CCDC7: variants seen among roughly 807,000 people sequenced by gnomAD.
CCDC7 encodes coiled-coil domain containing 7.
Under a neutral mutation model 196.9 loss-of-function variants are expected in CCDC7, and 183 were observed. The ratio of observed to expected loss-of-function variants is 0.93; its 90% CI spans 0.82 to 1.05. The LOEUF is 1.05. Among genes scored for constraint, CCDC7 ranks in the 50% least tolerant of loss-of-function variants. CCDC7 has a pLI of 0.00. For synonymous variants in CCDC7, 525 were observed against 484.6 expected, an observed-to-expected ratio of 1.08 and a Z score of -1.10; for missense variants, 1,540 against 1,482.2, an observed-to-expected ratio of 1.04 and a Z score of -0.64.
At chr10:32,798,716 C>A (rs1300509108) in intron 29 of CCDC7, among the ~76,000 whole-genome samples, 1 of 152,240 alleles carries the variant, frequency 6.6e-6, no homozygotes, top group Admixed American at 6.5e-5. Flanking sequence ...TCCTTCCATG[C>A]AGAGTGCACA....
chr10:32,564,956 A>T (rs1053341054), intron 13 of CCDC7, among the ~76,000 whole-genome samples: 1 of 152,180 alleles, frequency 6.6e-6, no homozygotes, highest in Non-Finnish European at 1.5e-5. Flanking sequence ...TAGCCTGGGT[A>T]ACAGAGCAAG....
intron 21 of CCDC7, among the ~76,000 whole-genome samples, chr10:32,669,863 C>A (rs2073702632): frequency 6.6e-6 from 1 of 151,946 alleles, no homozygotes; most frequent in Non-Finnish European, 1.5e-5. Context: ...AAATATTTAA[C>A]TTTCAGGGAC....
chr10:32,688,988 G>A, intron 22 of CCDC7, 65 bp from the exon 24 acceptor site: 1 of 1,062,390 alleles, frequency 9.4e-7, no homozygotes, highest in South Asian at 1.4e-5. Context: ...TCGTAAATTT[G>A]AAATCTACAG....
At chr10:32,722,824 A>T (rs1339396355) in intron 25 of CCDC7, among the ~76,000 whole-genome samples, 1 of 151,984 alleles carries the variant, frequency 6.6e-6, no homozygotes, top group Non-Finnish European at 1.5e-5. Flanking sequence ...GATTATGGAG[A>T]TCATAGTTGT....
intron 18 of CCDC7, among the ~76,000 whole-genome samples, chr10:32,613,415 A>G (rs1277214984): frequency 1.3e-5 from 2 of 151,860 alleles, no homozygotes; most frequent in African/African-American, 4.8e-5. Flanking sequence ...TATCTCCTTC[A>G]GTTTTGCTCT....
intron 41 of CCDC7, among the ~76,000 whole-genome samples, chr10:32,867,548 CAA>C (rs779302605): frequency 1.3e-5 from 2 of 150,730 alleles, no homozygotes; most frequent in Non-Finnish European, 3.0e-5. Context: ...ATAGAAAAAT[CAA>C]AAGATTTTTA....
At chr10:32,600,801 A>G (rs1250189951) in intron 18 of CCDC7, among the ~76,000 whole-genome samples, 2 of 152,316 alleles carry the variant, frequency 1.3e-5, no homozygotes, top group East Asian at 1.9e-4. Flanking sequence ...ATTTGTCTAC[A>G]TAGTTATCTT....
intron 3 of CCDC7, among the ~76,000 whole-genome samples, chr10:32,459,895 T>C (rs1004298181): frequency 3.9e-5 from 6 of 152,076 alleles, no homozygotes; most frequent in African/African-American, 1.4e-4. Flanking sequence ...CTGGATGAAC[T>C]GATGAAATTG....
intron 24 of CCDC7, among the ~76,000 whole-genome samples, chr10:32,697,149 T>C (rs1036285484): frequency 3.3e-5 from 5 of 152,150 alleles, no homozygotes; most frequent in African/African-American, 1.2e-4. Flanking sequence ...ATGTGAGGCA[T>C]GAAAGACAGT....
intron 41 of CCDC7, among the ~76,000 whole-genome samples, chr10:32,871,694 G>C (rs186531090): frequency 2.6e-5 from 4 of 151,946 alleles, no homozygotes; most frequent in Admixed American, 2.6e-4. Context: ...TGTGATGTTA[G>C]GGTGTCCATT....
At chr10:32,475,039 T>C (rs1387987525) in intron 8 of CCDC7, among the ~76,000 whole-genome samples, 1 of 152,160 alleles carries the variant, frequency 6.6e-6, no homozygotes, top group Non-Finnish European at 1.5e-5. Context: ...CTAGGTGGGG[T>C]AGAAAGGTAT....
At chr10:32,735,304 G>A (rs2084676354) in intron 28 of CCDC7, among the ~76,000 whole-genome samples, 1 of 152,132 alleles carries the variant, frequency 6.6e-6, no homozygotes, top group Non-Finnish European at 1.5e-5. Flanking sequence ...TTGCTGTAGT[G>A]TTTTGCATTC....
At position 32,602,125 on chromosome 10, in the gene CCDC7, G is replaced by T. The variant is rs185776013; in HGVS notation, c.1801+17821G>T. On this transcript the variant is annotated intron_variant, in intron 18 of 41. Transcript: ENST00000639629. ...TGTAACACTCACTGTGAGGGTTTGC[G>T]GCTTCATTCCTGAAGTCAGCGAGAC... 4.3e-3 allele frequency among the ~76,000 whole-genome samples: 650 copies of T among 151,564 alleles called. 2 individuals carry two copies. The highest frequency in any genetic ancestry group is 6.1e-3 in the Non-Finnish European group (417 of 67,872).
At chr10:32,487,712 C>T (rs2041409093) in intron 8 of CCDC7, among the ~76,000 whole-genome samples, 1 of 152,196 alleles carries the variant, frequency 6.6e-6, no homozygotes, top group Non-Finnish European at 1.5e-5. Context: ...CAGTCAGGAC[C>T]CTCAGCTGCA....
chr10:32,796,306 C>A (rs2083547161), intron 29 of CCDC7, among the ~76,000 whole-genome samples: 1 of 151,932 alleles, frequency 6.6e-6, no homozygotes, highest in Non-Finnish European at 1.5e-5. Flanking sequence ...TGCTTCTATG[C>A]CAACATTTTA....
intron 20 of CCDC7, among the ~76,000 whole-genome samples, chr10:32,656,262 T>C (rs1270390289): frequency 6.6e-5 from 10 of 152,182 alleles, no homozygotes; most frequent in Non-Finnish European, 1.5e-4. Flanking sequence ...GAAATTAAAT[T>C]AGTATGTCAA....
chr10:32,573,768 G>A (rs942033500), intron 16 of CCDC7, among the ~76,000 whole-genome samples: 36 of 152,256 alleles, frequency 2.4e-4, no homozygotes, highest in African/African-American at 8.2e-4. Flanking sequence ...AACTTCAGGA[G>A]GAAGATTATT....
chr10:32,629,795 C>T (rs575816005), intron 18 of CCDC7, among the ~76,000 whole-genome samples: 4 of 152,296 alleles, frequency 2.6e-5, no homozygotes, highest in Admixed American at 6.5e-5. Context: ...CCATCCCTTC[C>T]ATTCTCACTG....
chr10:32,861,824 A>T (rs528545448), intron 41 of CCDC7, among the ~76,000 whole-genome samples: 2 of 152,358 alleles, frequency 1.3e-5, no homozygotes, highest in East Asian at 3.9e-4. Context: ...AAAGATCATC[A>T]TCACTGGTCA....
Sources: gnomAD v4.1 joint callset for allele counts (sites outside exome capture counted in the v4.1 genomes callset) on GRCh38, gnomAD v4.1.1 for gene constraint, MANE v1.5 for transcripts, NCBI Gene and HGNC (gene_info 2026-07-23, HGNC 2026-07-21) for gene names.